The following LRIT3 variants were observed in gnomAD, a reference collection of about 807,000 sequenced individuals.
LRIT3 encodes leucine rich repeat, Ig-like and transmembrane domains 3.
Under a neutral mutation model 22.6 loss-of-function variants are expected in LRIT3, and 14 were observed. The observed-to-expected ratio is 0.62, with a 90% CI of 0.41 to 0.97. The LOEUF is 0.97. LRIT3 is among the 50% of genes least tolerant of loss of function. The pLI is 0.00. For missense variants in LRIT3, 783 were observed against 803.0 expected (o/e 0.98, Z 0.30); for synonymous variants, 306 against 304.5 (o/e 1.01, Z -0.05).
intron 2 of LRIT3, among the ~76,000 whole-genome samples, chr4:109,854,603 C>A (rs182041921): frequency 6.6e-6 from 1 of 152,152 alleles, no homozygotes; most frequent in Non-Finnish European, 1.5e-5. Flanking sequence ...GCTTCCAATA[C>A]TGTGTTGAAT....
At position 109,848,139 on chromosome 4, in the gene LRIT3, C is replaced by T. The variant is rs1276321725; in HGVS notation, c.-63C>T. 1.2e-6 allele frequency: 1 copy of T among 802,116 alleles called. No individual in the cohort carries two copies. Among genetic ancestry groups the T allele is most frequent in the Admixed American group, 4.3e-5 (1 of 23,178 alleles). The allele number at this position is 802,116 out of a possible 1,614,324, so 49.7% of individuals were successfully genotyped here. ...AATGGCTGTTTGTATTCCAGGCATA[C>T]CAGGTTCTGAATGCTTAGGATTCGG... On this transcript the variant is annotated 5_prime_UTR_variant, in exon 1 of 4. Coordinates refer to ENST00000594814, the MANE Select transcript of LRIT3 (RefSeq NM_198506.5).
Position 109,870,848 on chromosome 4 carries a change from C to T in LRIT3, c.*59C>T, listed in dbSNP as rs535685494. 2.1e-4 allele frequency: 312 copies of T among 1,491,994 alleles called. 1 individual carries two copies. Among genetic ancestry groups the T allele is most frequent in the Non-Finnish European group, 4.4e-5 (49 of 1,117,380 alleles). The allele number at this position is 1,491,994 out of a possible 1,614,324, so 92.4% of individuals were successfully genotyped here. On this transcript the variant is annotated 3_prime_UTR_variant, in exon 4 of 4. Transcript: ENST00000594814. ...ACTAGCATCTAAGGGTATAATTGAC[C>T]CTAGGTTTGGATGACTTTTGGACAG...
chr4:109,869,545 G>C, intron 3 of LRIT3, 100 bp from the exon 4 acceptor site: 1 of 1,150,960 alleles, frequency 8.7e-7, no homozygotes, highest in Non-Finnish European at 1.2e-6. Context: ...GCTTCTGTGA[G>C]AGGATGCATG....
chr4:109,858,965 A>G (rs755841334), intron 2 of LRIT3, among the ~76,000 whole-genome samples: 33 of 152,342 alleles, frequency 2.2e-4, no homozygotes, highest in Non-Finnish European at 4.0e-4. Context: ...GTTTTTTAAC[A>G]TAAGAAGTGG....
intron 2 of LRIT3, among the ~76,000 whole-genome samples, chr4:109,865,910 A>G (rs1044517254): frequency 2.0e-5 from 3 of 152,218 alleles, no homozygotes; most frequent in African/African-American, 7.2e-5. Context: ...AAGTCTGCTT[A>G]CCATATAAAA....
At chr4:109,855,316 G>C (rs1426262151) in intron 2 of LRIT3, among the ~76,000 whole-genome samples, 2 of 152,104 alleles carry the variant, frequency 1.3e-5, no homozygotes, top group African/African-American at 4.8e-5. Flanking sequence ...AGATTTTCTA[G>C]TTTATTTGTG....
At position 109,848,140 on chromosome 4, in the gene LRIT3, CAGGTTCTGAATGCTT is replaced by C. The variant is rs1734117593; in HGVS notation, c.-58_-44del. 1 of 801,882 alleles carries C rather than the reference CAGGTTCTGAATGCTT, an allele frequency of 1.2e-6. No homozygotes were observed. The highest frequency in any genetic ancestry group is 1.8e-5 in the African/African-American group (1 of 56,076). The allele number at this position is 801,882 out of a possible 1,614,324, so 49.7% of individuals were successfully genotyped here. ...ATGGCTGTTTGTATTCCAGGCATAC[CAGGTTCTGAATGCTT>C]AGGATTCGGTTTTTACCTTTTGTTT... is the stretch of plus-strand genomic sequence containing the variant. On this transcript the variant is annotated 5_prime_UTR_variant, in exon 1 of 4. The change abolishes an upstream ATG in the 5' untranslated region. Coordinates refer to ENST00000594814, the MANE Select transcript of LRIT3 (RefSeq NM_198506.5).
chr4:109,865,293 T>C (rs369698408), intron 2 of LRIT3: 1 of 1,600,586 alleles, frequency 6.2e-7, no homozygotes, highest in East Asian at 2.3e-5. Context: ...TGTCATTTCC[T>C]ATTACTTTTA....
At chr4:109,858,518 A>C (rs1308017188) in intron 2 of LRIT3, among the ~76,000 whole-genome samples, 2 of 152,154 alleles carry the variant, frequency 1.3e-5, no homozygotes, top group African/African-American at 2.4e-5. Flanking sequence ...ATTGATGTTC[A>C]CCTGGGGAAA....
In LRIT3 at chr4:109,870,476, GA is replaced by G; in HGVS notation, c.1728del (p.Asp577MetfsTer11). On this transcript the variant is annotated frameshift_variant, in exon 4 of 4. Coordinates refer to ENST00000594814, the MANE Select transcript of LRIT3 (RefSeq NM_198506.5). LOFTEE classifies it low-confidence loss of function (END_TRUNC). ...CITFSTERVE[G>X]DDSQWSLLLV... ...ACCTTTTCTACTGAAAGAGTTGAAG[GA>G]GATGATTCTCAATGGTCTCTCCTTC... The G allele has an allele frequency of 5.6e-6, 9 of 1,614,186 alleles. No homozygotes were observed. Among genetic ancestry groups the G allele is most frequent in the Non-Finnish European group, 7.6e-6 (9 of 1,180,032 alleles).
intron 1 of LRIT3, among the ~76,000 whole-genome samples, chr4:109,850,426 T>TCTTTCTTC (rs1734208986): frequency 6.6e-5 from 4 of 60,806 alleles, no homozygotes; most frequent in Non-Finnish European, 1.2e-4. Context: ...TTCCTTCCTT[T>TCTTTCTTC]CTTTCTTTCT....
chr4:109,854,887 A>G (rs371399759), intron 2 of LRIT3, among the ~76,000 whole-genome samples: 18 of 152,158 alleles, frequency 1.2e-4, no homozygotes, highest in African/African-American at 4.1e-4. Context: ...TGATTTGCAT[A>G]TGTTGAACAA....
In LRIT3 at chr4:109,849,221, C is replaced by T. The variant is rs116537879; in HGVS notation, c.116+904C>T. Reference sequence around the variant, plus strand: ...TGTTATTGTATAAACTTTAGTTAACCAATTCTTGGTATTTTTTGAGATATT... The same window carrying T: ...TGTTATTGTATAAACTTTAGTTAACTAATTCTTGGTATTTTTTGAGATATT... On this transcript the variant is annotated intron_variant, in intron 1 of 3. Transcript: ENST00000594814. Among the ~76,000 whole-genome samples the T allele has an allele frequency of 2.5e-3, 384 of 152,138 alleles. 3 individuals carry two copies. Among genetic ancestry groups the T allele is most frequent in the Non-Finnish European group, 4.2e-3 (286 of 68,006 alleles).
At chr4:109,865,230 T>C in intron 2 of LRIT3, 1 of 1,537,646 alleles carries the variant, frequency 6.5e-7, no homozygotes, top group Non-Finnish European at 8.9e-7. Context: ...GTCACAGAAT[T>C]AACTAATGGT....
chr4:109,867,591 C>G, intron 2 of LRIT3, 50 bp from the exon 3 acceptor site: 1 of 1,531,826 alleles, frequency 6.5e-7, no homozygotes, highest in Non-Finnish European at 8.9e-7. Context: ...AGGATGTAAA[C>G]TGAAGTCATC....
Position 109,868,056 on chromosome 4 carries a change from A to G in LRIT3, c.895+110A>G, listed in dbSNP as rs143051748. 1.2e-3 allele frequency: 1,441 copies of G among 1,158,064 alleles called. 1 individual carries two copies. The highest frequency in any genetic ancestry group is 1.6e-3 in the Non-Finnish European group (1,348 of 827,288). The allele number at this position is 1,158,064 out of a possible 1,614,324, so 71.7% of individuals were successfully genotyped here. On this transcript the variant is annotated intron_variant, in intron 3 of 3. Transcript: ENST00000594814. Reference sequence around the variant, plus strand: ...TAGTTAACACTAATAAAATATTTCAAGATTATTGGGTGCAAGGGATTTTAA... The same window carrying G: ...TAGTTAACACTAATAAAATATTTCAGGATTATTGGGTGCAAGGGATTTTAA...
At position 109,870,216 on chromosome 4, in the gene LRIT3, C is replaced by G; in HGVS notation, c.1467C>G (p.Asn489Lys). 1 of 1,614,190 alleles carries G rather than the reference C, an allele frequency of 6.2e-7. No individual in the cohort carries two copies. The highest frequency in any genetic ancestry group is 8.5e-7 in the Non-Finnish European group (1 of 1,180,030). Residue 489 changes from asparagine to lysine, a missense_variant, in exon 4 of 4, where the codon AAC (asparagine) becomes AAG (lysine). Physicochemically the swap from Asn to Lys is moderately conservative, Grantham distance 94. Transcript: ENST00000594814. ...CGGAGACAAATGCCGCAATAGAAAACCTCAGGGTGGTCAGTGAGACTAAAG... is the reference window on the plus strand; with the variant it reads ...CGGAGACAAATGCCGCAATAGAAAAGCTCAGGGTGGTCAGTGAGACTAAAG... ...MLTETNAAIE[N>K]LRVVSETKES...
At position 109,870,514 on chromosome 4, in the gene LRIT3, A is replaced by G. The variant is rs1397792284; in HGVS notation, c.1765A>G (p.Ser589Gly). 9.3e-6 allele frequency: 15 copies of G among 1,614,236 alleles called. No homozygotes were observed. The highest frequency in any genetic ancestry group is 1.3e-5 in the Non-Finnish European group (15 of 1,180,042). Residue 589 changes from serine to glycine, a missense_variant, in exon 4 of 4, where the codon AGT becomes GGT. Physicochemically the swap from Ser to Gly is moderately conservative, Grantham distance 56 (BLOSUM62 0). Coordinates refer to ENST00000594814, the MANE Select transcript of LRIT3 (RefSeq NM_198506.5). Reference sequence around the variant, plus strand: ...ATGGTCTCTCCTTCTCGTGGTGACCAGTACTGCCTGTGTTGTTATCTTACC... The same window carrying G: ...ATGGTCTCTCCTTCTCGTGGTGACCGGTACTGCCTGTGTTGTTATCTTACC... The part of the protein sequence containing the change: ...SQWSLLLVVT[S>G]TACVVILPLI...
At chr4:109,863,298 A>G (rs1321264564) in intron 2 of LRIT3, among the ~76,000 whole-genome samples, 1 of 152,202 alleles carries the variant, frequency 6.6e-6, no homozygotes, top group African/African-American at 2.4e-5. Flanking sequence ...GTGGTTTAAG[A>G]TCAGGATACT....
Sources: allele counts gnomAD v4.1 joint callset (sites outside exome capture counted in the v4.1 genomes callset), GRCh38; gene constraint gnomAD v4.1.1; transcripts MANE v1.5; gene names NCBI Gene and HGNC (gene_info 2026-07-23, HGNC 2026-07-21).